The following MSRA variants were observed in gnomAD, a reference collection of about 807,000 sequenced individuals.
MSRA encodes mitochondrial peptide methionine sulfoxide reductase.
A neutral mutation model predicts 31.3 loss-of-function variants in MSRA; 54 were observed. That is an observed-to-expected ratio of 1.73 (90% CI 1.39 to 2.17). The LOEUF (loss-of-function observed/expected upper bound fraction) is 2.17. Ranked by LOEUF, MSRA falls within the 30% of genes most tolerant of loss-of-function variation. The pLI is 0.00. For synonymous variants in MSRA, 169 were observed against 116.5 expected (o/e 1.45, Z -2.90); for missense variants, 507 against 300.9 (o/e 1.69, Z -5.07).
intron 3 of MSRA, among the ~76,000 whole-genome samples, chr8:10,256,676 A>G (rs1798198618): frequency 6.6e-6 from 1 of 152,184 alleles, no homozygotes; most frequent in African/African-American, 2.4e-5. Context: ...GAAAACTTCC[A>G]ACAGTACTTT....
chr8:10,146,696 G>C (rs1403730370), intron 1 of MSRA, among the ~76,000 whole-genome samples: 1 of 152,132 alleles, frequency 6.6e-6, no homozygotes, highest in Non-Finnish European at 1.5e-5. Context: ...TTATATCTCA[G>C]TGAAGGTGTT....
intron 3 of MSRA, among the ~76,000 whole-genome samples, chr8:10,254,261 C>T (rs1161666940): frequency 6.6e-6 from 1 of 152,198 alleles, no homozygotes; most frequent in South Asian, 2.1e-4. Context: ...CTACCCACAA[C>T]GTGTTTTGAA....
At chr8:10,389,160 C>T (rs991762946) in intron 5 of MSRA, among the ~76,000 whole-genome samples, 4 of 152,164 alleles carry the variant, frequency 2.6e-5, no homozygotes, top group Non-Finnish European at 5.9e-5. Context: ...GGCCCCAGCA[C>T]AGGCAATCCA....
chr8:10,111,922 C>T (rs1160990671), intron 1 of MSRA, among the ~76,000 whole-genome samples: 1 of 152,170 alleles, frequency 6.6e-6, no homozygotes. Context: ...CTGGTCCTTG[C>T]AGCAGCTGAG....
At chr8:10,328,640 G>A (rs1418240851) in intron 5 of MSRA, among the ~76,000 whole-genome samples, 2 of 152,108 alleles carry the variant, frequency 1.3e-5, no homozygotes, top group East Asian at 3.9e-4. Context: ...GGTCTACCAG[G>A]TCCTTCAAAG....
At chr8:10,129,753 G>A (rs1414297723) in intron 1 of MSRA, among the ~76,000 whole-genome samples, 1 of 152,168 alleles carries the variant, frequency 6.6e-6, no homozygotes, top group Non-Finnish European at 1.5e-5. Context: ...GAAAAATAAA[G>A]ACATTCTGTG....
chr8:10,080,165 T>G (rs6981546), intron 1 of MSRA, among the ~76,000 whole-genome samples: 84,829 of 152,006 alleles, frequency 0.56, 25,384 homozygotes, highest in Middle Eastern at 0.69. Flanking sequence ...CCTAGCAGAC[T>G]GGTTGCTAAT....
intron 5 of MSRA, among the ~76,000 whole-genome samples, chr8:10,409,919 C>T (rs1484874210): frequency 2.0e-5 from 3 of 152,148 alleles, no homozygotes; most frequent in Non-Finnish European, 2.9e-5. Flanking sequence ...ATTAGCCTGG[C>T]ATGGGTGGCA....
intron 5 of MSRA, among the ~76,000 whole-genome samples, chr8:10,421,525 A>C (rs4418343): frequency 6.6e-6 from 1 of 151,472 alleles, no homozygotes; most frequent in Non-Finnish European, 1.5e-5. Context: ...TCCATGTAAT[A>C]GGCTGAGACA....
rs990851893 is a variant in MSRA, at chr8:10,150,199, T to C, written c.143-57634T>C. ...GCCTCGTGGCTTCTAGGATGTCCTT[T>C]GTCCTATATTCTCGGCTCTTTTCAA... On this transcript the variant is annotated intron_variant, in intron 1 of 5. Coordinates refer to ENST00000317173, the MANE Select transcript of MSRA (RefSeq NM_012331.5). 2.6e-5 allele frequency among the ~76,000 whole-genome samples: 4 copies of C among 152,140 alleles called. No homozygotes were observed. In the East Asian group the frequency reaches 7.7e-4, roughly 29 times the overall value.
intron 4 of MSRA, among the ~76,000 whole-genome samples, chr8:10,301,975 C>T (rs1043409569): frequency 6.6e-6 from 1 of 152,160 alleles, no homozygotes; most frequent in Non-Finnish European, 1.5e-5. Flanking sequence ...AAGTGTCTTT[C>T]CAGCAGCTCC....
intron 1 of MSRA, among the ~76,000 whole-genome samples, chr8:10,074,077 T>TG (rs1797873054): frequency 9.0e-6 from 1 of 111,074 alleles, no homozygotes; most frequent in African/African-American, 3.9e-5. Flanking sequence ...TTTTTTTTTT[T>TG]TTTTTTTTTT....
At chr8:10,077,479 CTTTTTTTTTTTTT>C (rs10714477) in intron 1 of MSRA, among the ~76,000 whole-genome samples, 5 of 101,240 alleles carry the variant, frequency 4.9e-5, no homozygotes, top group African/African-American at 1.8e-4. Context: ...CTACCTTCTC[CTTTTTTTTTTTTT>C]TTTTTTTTTT....
chr8:10,326,124 C>T (rs1360909447), intron 5 of MSRA, among the ~76,000 whole-genome samples: 2 of 152,196 alleles, frequency 1.3e-5, no homozygotes. Context: ...TATACACTAA[C>T]TGTAATGTTG....
chr8:10,219,784 C>A lies in MSRA; in HGVS notation c.211+11883C>A, dbSNP rs571994780. Among the ~76,000 whole-genome samples the A allele has an allele frequency of 3.9e-3, 437 of 111,516 alleles. 1 individual carries two copies. Among genetic ancestry groups the A allele is most frequent in the Non-Finnish European group, 5.6e-3 (350 of 62,014 alleles). 73.2% of individuals were successfully genotyped at this position (111,516 alleles called of 152,430 possible). ...TCGCACCACTGCACTTCAGCCTGGA[C>A]GACAGATCGAGACTCTGTCTCCAAA... is the stretch of plus-strand genomic sequence containing the variant. On this transcript the variant is annotated intron_variant, in intron 2 of 5. Coordinates refer to ENST00000317173, the MANE Select transcript of MSRA (RefSeq NM_012331.5).
intron 2 of MSRA, among the ~76,000 whole-genome samples, chr8:10,213,657 C>T (rs778165489): frequency 9.2e-5 from 14 of 151,812 alleles, no homozygotes; most frequent in African/African-American, 1.7e-4. Flanking sequence ...AGGATGGTCT[C>T]GATCTCCTGA....
At chr8:10,149,282 C>A (rs1171190477) in intron 1 of MSRA, among the ~76,000 whole-genome samples, 1 of 152,156 alleles carries the variant, frequency 6.6e-6, no homozygotes, top group Non-Finnish European at 1.5e-5. Context: ...CCACCATGCC[C>A]AGCTAAGTTT....
At chr8:10,158,908 T>C (rs532527268) in intron 1 of MSRA, among the ~76,000 whole-genome samples, 1 of 152,336 alleles carries the variant, frequency 6.6e-6, no homozygotes, top group Admixed American at 6.5e-5. Flanking sequence ...GTGTTTTTGA[T>C]TATAGCCACT....
At chr8:10,333,541 G>C (rs540791857) in intron 5 of MSRA, among the ~76,000 whole-genome samples, 17 of 152,188 alleles carry the variant, frequency 1.1e-4, no homozygotes, top group African/African-American at 4.1e-4. Flanking sequence ...TATGACCTTG[G>C]GTTGTTGACC....
Sources: allele counts gnomAD v4.1 joint callset (sites outside exome capture counted in the v4.1 genomes callset), GRCh38; gene constraint gnomAD v4.1.1; transcripts MANE v1.5; gene names NCBI Gene and HGNC (gene_info 2026-07-23, HGNC 2026-07-21).